Variants in WWOX observed in about 807,000 individuals in gnomAD.
WWOX encodes the protein WW domain containing oxidoreductase.
WWOX carries 69 observed loss-of-function variants against 46.2 expected under a neutral mutation model. The ratio of observed to expected loss-of-function variants is 1.49; its 90% CI spans 1.23 to 1.82. The LOEUF (loss-of-function observed/expected upper bound fraction) is 1.82. Ranked by LOEUF, WWOX falls within the 40% of genes most tolerant of loss-of-function variation. The pLI is 0.00. For synonymous variants in WWOX, 359 were observed against 202.6 expected, an observed-to-expected ratio of 1.77 and a Z score of -6.56; for missense variants, 919 against 542.6, an observed-to-expected ratio of 1.69 and a Z score of -6.89.
At chr16:79,078,613 A>G (rs1230549879) in intron 8 of WWOX, among the ~76,000 whole-genome samples, 1 of 152,202 alleles carries the variant, frequency 6.6e-6, no homozygotes, top group Admixed American at 6.5e-5. Context: ...AGCATTTAAC[A>G]CAGTTCCTGG....
At chr16:78,996,152 TTTTTTTTTTAAC>T in intron 8 of WWOX, 1 of 724,084 alleles carries the variant, frequency 1.4e-6, no homozygotes, top group Non-Finnish European at 1.6e-6. Context: ...TTTTTTTTAA[TTTTTTTTTTAAC>T]GAAACTCACA....
At chr16:78,228,259 AG>A (rs2037133645) in intron 5 of WWOX, among the ~76,000 whole-genome samples, 1 of 151,764 alleles carries the variant, frequency 6.6e-6, no homozygotes, top group Admixed American at 6.6e-5. Context: ...GCAGGCACCC[AG>A]GGGGAGATGG....
chr16:78,669,021 G>T (rs544118073), intron 8 of WWOX, among the ~76,000 whole-genome samples: 7 of 152,136 alleles, frequency 4.6e-5, no homozygotes, highest in African/African-American at 7.2e-5. Context: ...CCTTCAGAAC[G>T]GCTTCCTGAA....
intron 8 of WWOX, among the ~76,000 whole-genome samples, chr16:78,859,127 C>G (rs1479218241): frequency 1.4e-5 from 2 of 140,590 alleles, no homozygotes; most frequent in Non-Finnish European, 3.0e-5. Flanking sequence ...GAAGTGGCTC[C>G]TTGATGTTCT....
At chr16:78,895,157 A>T (rs1401087298) in intron 8 of WWOX, among the ~76,000 whole-genome samples, 2 of 152,204 alleles carry the variant, frequency 1.3e-5, no homozygotes, top group Admixed American at 1.3e-4. Flanking sequence ...TTCAAACCAC[A>T]TTTCAAAGTT....
intron 8 of WWOX, among the ~76,000 whole-genome samples, chr16:78,626,499 A>G (rs767191051): frequency 6.6e-6 from 1 of 152,074 alleles, no homozygotes; most frequent in Non-Finnish European, 1.5e-5. Context: ...TTCAGGGAGG[A>G]AGACCCCAGA....
At chr16:78,879,295 C>T (rs1251928115) in intron 8 of WWOX, among the ~76,000 whole-genome samples, 1 of 152,150 alleles carries the variant, frequency 6.6e-6, no homozygotes, top group Non-Finnish European at 1.5e-5. Context: ...CAGTATGAGA[C>T]ACCGTAAGAG....
chr16:78,975,424 A>C (rs72808764), intron 8 of WWOX, among the ~76,000 whole-genome samples: 8,035 of 150,690 alleles, frequency 0.053, 286 homozygotes, highest in Middle Eastern at 0.18. Flanking sequence ...ATAACACTGG[A>C]GGTAAGAAAC....
chr16:78,174,742 C>T (rs1459833625), intron 5 of WWOX, among the ~76,000 whole-genome samples: 4 of 152,158 alleles, frequency 2.6e-5, no homozygotes, highest in African/African-American at 9.7e-5. Flanking sequence ...AATCCCAGCA[C>T]TTTGGGAGGC....
intron 8 of WWOX, among the ~76,000 whole-genome samples, chr16:79,030,062 A>G (rs1485472582): frequency 6.6e-6 from 1 of 151,928 alleles, no homozygotes; most frequent in Non-Finnish European, 1.5e-5. Context: ...TTGTATGACC[A>G]AAAAAAATAG....
At chr16:78,299,040 C>T (rs780161143) in intron 5 of WWOX, among the ~76,000 whole-genome samples, 2 of 152,130 alleles carry the variant, frequency 1.3e-5, no homozygotes, top group Non-Finnish European at 2.9e-5. Flanking sequence ...ATTCTGGTTT[C>T]ACAGGAGCCT....
At chr16:78,439,117 A>G (rs905617855) in intron 8 of WWOX, among the ~76,000 whole-genome samples, 1 of 152,222 alleles carries the variant, frequency 6.6e-6, no homozygotes, top group African/African-American at 2.4e-5. Flanking sequence ...TTGAATGTGT[A>G]TTGGTACATT....
At position 78,651,546 on chromosome 16, in the gene WWOX, C is replaced by G. The variant is rs538920491; in HGVS notation, c.1056+218794C>G. On this transcript the variant is annotated intron_variant, in intron 8 of 8. Transcript: ENST00000566780. ...TCTATCCTTGATGCTCACCTGAGGT[C>G]TAGGGCTAAACTCTTGCCTTTACCT... Among the ~76,000 whole-genome samples the G allele has an allele frequency of 5.6e-4, 86 of 152,292 alleles. 2 individuals carry two copies. The South Asian group carries it at 0.017, about 31-fold the overall frequency.
At chr16:79,173,260 T>C (rs188345405) in intron 8 of WWOX, among the ~76,000 whole-genome samples, 1 of 151,622 alleles carries the variant, frequency 6.6e-6, no homozygotes, top group African/African-American at 2.4e-5. Flanking sequence ...AGTGGCACAT[T>C]CCACAGGAAG....
intron 5 of WWOX, among the ~76,000 whole-genome samples, chr16:78,277,838 A>G (rs886674320): frequency 6.6e-6 from 1 of 152,210 alleles, no homozygotes; most frequent in African/African-American, 2.4e-5. Flanking sequence ...ATTTTACATA[A>G]CAGGCATCAG....
At chr16:78,114,054 C>A (rs1387209903) in intron 3 of WWOX, among the ~76,000 whole-genome samples, 1 of 136,402 alleles carries the variant, frequency 7.3e-6, no homozygotes, top group Non-Finnish European at 1.5e-5. Flanking sequence ...AAAGTAAATT[C>A]TATTATAAGG....
intron 8 of WWOX, among the ~76,000 whole-genome samples, chr16:78,607,829 C>G (rs556951140): frequency 2.0e-5 from 3 of 151,952 alleles, no homozygotes; most frequent in Admixed American, 6.6e-5. Flanking sequence ...CGGAAAAGGG[C>G]TGGATTTTCT....
intron 5 of WWOX, among the ~76,000 whole-genome samples, chr16:78,200,335 C>A (rs778913598): frequency 5.0e-5 from 7 of 141,248 alleles, no homozygotes; most frequent in South Asian, 4.6e-4. Flanking sequence ...AAGTGGATGT[C>A]TATAAAGGTT....
At chr16:78,837,976 C>G (rs937649203) in intron 8 of WWOX, among the ~76,000 whole-genome samples, 1 of 152,100 alleles carries the variant, frequency 6.6e-6, no homozygotes, top group Admixed American at 6.6e-5. Context: ...TTGTGTTGTT[C>G]CAAAGGTTTC....
Sources: gnomAD v4.1 joint callset for allele counts (sites outside exome capture counted in the v4.1 genomes callset) on GRCh38, gnomAD v4.1.1 for gene constraint, MANE v1.5 for transcripts, NCBI Gene and HGNC (gene_info 2026-07-23, HGNC 2026-07-21) for gene names.